Variants in FBXO38 observed in about 807,000 individuals in gnomAD.
FBXO38 encodes the protein F-box only protein 38.
Under a neutral mutation model 131.9 loss-of-function variants are expected in FBXO38, and 53 were observed. That is an observed-to-expected ratio of 0.40 (90% CI 0.32 to 0.51). The LOEUF (loss-of-function observed/expected upper bound fraction) is 0.51. FBXO38 is among the 20% of genes least tolerant of loss of function. The pLI, the probability that FBXO38 is intolerant of heterozygous loss-of-function variation, is 0.53. For missense variants in FBXO38, 1,076 were observed against 1,475.6 expected (o/e 0.73, Z 4.44); for synonymous variants, 452 against 505.6 (o/e 0.89, Z 1.42).
intron 7 of FBXO38, 130 bp from the exon 8 acceptor site, chr5:148,408,994 C>A: frequency 1.8e-6 from 1 of 561,996 alleles, no homozygotes. Context: ...AATTTCAATG[C>A]AAAAACAAAG....
intron 10 of FBXO38, 95 bp from the exon 11 acceptor site, chr5:148,415,833 A>G: frequency 7.7e-7 from 1 of 1,296,044 alleles, no homozygotes; most frequent in Non-Finnish European, 1.1e-6. Context: ...TTTTAAAAAA[A>G]AGGATTTGAA....
Position 148,439,681 on chromosome 5 carries a change from G to T in FBXO38, c.3059G>T (p.Ser1020Ile). The change falls in exon 19 of 22, where the codon AGT (serine) becomes ATT (isoleucine). Residue 1020 changes from serine (S) to isoleucine (I), a missense_variant. Physicochemically the swap from Ser to Ile is moderately radical, Grantham distance 142. Around this residue, in one of 8 missense-constraint regions of FBXO38, gnomAD observed 282 missense variants for 418.8 expected, o/e 0.67. Transcript: ENST00000340253. ...DTLTLEQKLF[S>I]GPYPYHICII... ...CTAACTTTGGAGCAGAAGCTATTTA[G>T]TGGTCCCTACCCCTATCACATCTGT... is the stretch of plus-strand genomic sequence containing the variant. The T allele has an allele frequency of 6.2e-7, 1 of 1,606,200 alleles. No individual in the cohort carries two copies. The highest frequency in any genetic ancestry group is 1.1e-5 in the South Asian group (1 of 90,964).
At chr5:148,385,601 CCAT>C (rs1289562418) in intron 1 of FBXO38, among the ~76,000 whole-genome samples, 5 of 152,138 alleles carry the variant, frequency 3.3e-5, no homozygotes, top group Non-Finnish European at 7.3e-5. Context: ...TTTTTCAGCA[CCAT>C]CATCCTGTTG....
Position 148,434,502 on chromosome 5 carries a change from A to AT in FBXO38, c.2857+772dup, listed in dbSNP as rs552489558. 3.9e-5 allele frequency: 6 copies of AT among 152,144 alleles called. No individual in the cohort carries two copies. In the South Asian group the frequency reaches 1.2e-3, roughly 32 times the overall value. The allele number at this position is 152,144 out of a possible 1,614,324, so 9.4% of individuals were successfully genotyped here. ...GCAAGTTATATAATTTTCTGTCTTCATTTTTTTCAATCTGTAAGCCGTGCA... is the reference window on the plus strand; with the variant it reads ...GCAAGTTATATAATTTTCTGTCTTCATTTTTTTTCAATCTGTAAGCCGTGCA... On this transcript the variant is annotated intron_variant, in intron 17 of 21. Transcript: ENST00000340253.
chr5:148,441,973 T>C lies in FBXO38; in HGVS notation c.3393T>C (p.Thr1131=), dbSNP rs148901341. ...CTTTTATTTCTAATTTCAAAGGCAC[T>C]ATCTATGCTCCTAGAAGGAAAGGAC... is the stretch of plus-strand genomic sequence containing the variant. ...RYDFEDDEES[T]IYAPRRKGQL... The change falls in exon 22 of 22, where the codon ACT becomes ACC. Residue 1131 remains threonine (T), a synonymous_variant. Coordinates refer to ENST00000340253, the MANE Select transcript of FBXO38 (RefSeq NM_205836.3). 58 of 1,608,164 alleles carry C rather than the reference T, an allele frequency of 3.6e-5. No homozygotes were observed. The African/African-American group carries it at 6.2e-4, about 17-fold the overall frequency.
chr5:148,421,214 C>T (rs114733321), intron 12 of FBXO38, among the ~76,000 whole-genome samples: 4,163 of 152,186 alleles, frequency 0.027, 192 homozygotes, highest in African/African-American at 0.093. Flanking sequence ...TCCGCCCACC[C>T]TGGCCTCCCA....
chr5:148,424,123 C>T lies in FBXO38; in HGVS notation c.1738+6C>T. On this transcript the variant is annotated splice_donor_region_variant and intron_variant, in intron 13 of 21. Transcript: ENST00000340253. Reference sequence around the variant, plus strand: ...TGTTGATGAGGAACAAGCAGGTAATCATGTGATCCATCCCACATTCATCAT... The same window carrying T: ...TGTTGATGAGGAACAAGCAGGTAATTATGTGATCCATCCCACATTCATCAT... 1 of 1,609,822 alleles carries T rather than the reference C, an allele frequency of 6.2e-7. No individual in the cohort carries two copies. Among genetic ancestry groups the T allele is most frequent in the Non-Finnish European group, 8.5e-7 (1 of 1,178,010 alleles).
intron 3 of FBXO38, among the ~76,000 whole-genome samples, chr5:148,401,501 A>G (rs989352232): frequency 3.3e-5 from 5 of 152,186 alleles, no homozygotes; most frequent in Non-Finnish European, 1.5e-5. Context: ...ATAATTTGAG[A>G]TAGGAATTAG....
At chr5:148,431,221 G>A (rs1444002913) in intron 15 of FBXO38, among the ~76,000 whole-genome samples, 1 of 152,198 alleles carries the variant, frequency 6.6e-6, no homozygotes, top group Non-Finnish European at 1.5e-5. Flanking sequence ...GTTGATACTA[G>A]CGGATGTTTT....
rs929543440 is a variant in FBXO38 at position 148,441,953 on chromosome 5, AT to A, written c.3389-13del. On this transcript the variant is annotated splice_polypyrimidine_tract_variant and intron_variant, in intron 21 of 21. Coordinates refer to ENST00000340253, the MANE Select transcript of FBXO38 (RefSeq NM_205836.3). ...GATTATCATATGTATCTCTCCTTTT[AT>A]TTCTAATTTCAAAGGCACTATCTAT... is the stretch of plus-strand genomic sequence containing the variant. The A allele has an allele frequency of 7.5e-6, 12 of 1,598,944 alleles. No homozygotes were observed. The African/African-American group carries it at 8.1e-5, about 11-fold the overall frequency.
chr5:148,387,509 C>G (rs1254383743), intron 1 of FBXO38, among the ~76,000 whole-genome samples: 1 of 152,070 alleles, frequency 6.6e-6, no homozygotes, highest in Non-Finnish European at 1.5e-5. Flanking sequence ...TCAGAGTCAT[C>G]CATGAGGACT....
intron 12 of FBXO38, chr5:148,423,770 C>T (rs531616253): frequency 6.6e-4 from 199 of 301,332 alleles, no homozygotes; most frequent in African/African-American, 4.0e-3. Context: ...GATGGGCTTT[C>T]TCCAACAAAT....
chr5:148,411,187 T>C (rs192545207), intron 9 of FBXO38, among the ~76,000 whole-genome samples: 2 of 152,250 alleles, frequency 1.3e-5, no homozygotes. Flanking sequence ...TTCATTTCCA[T>C]AATAAGCCCG....
intron 11 of FBXO38, among the ~76,000 whole-genome samples, 195 bp downstream of exon 11, chr5:148,416,265 G>A (rs1753047981): frequency 6.6e-6 from 1 of 151,944 alleles, no homozygotes; most frequent in African/African-American, 2.4e-5. Context: ...GAGAATTAAG[G>A]GTTCTCTGGG....
intron 1 of FBXO38, among the ~76,000 whole-genome samples, chr5:148,392,581 T>TTG (rs55667300): frequency 0.059 from 8,358 of 141,862 alleles, 284 homozygotes; most frequent in Admixed American, 0.1. Context: ...TTGCTTTTCT[T>TTG]TGTGTGTGTG....
chr5:148,398,957 A>T, intron 2 of FBXO38, 42 bp from the exon 3 acceptor site: 1 of 1,609,174 alleles, frequency 6.2e-7, no homozygotes, highest in East Asian at 2.2e-5. Flanking sequence ...GAGAAGTAAT[A>T]CTTATCCACT....
Position 148,439,742 on chromosome 5 carries a change from G to A in FBXO38, c.3120G>A (p.Arg1040=). The A allele has an allele frequency of 1.2e-6, 2 of 1,614,030 alleles. No homozygotes were observed. The highest frequency in any genetic ancestry group is 2.2e-5 in the South Asian group (2 of 91,072). Residue 1040 remains arginine, a synonymous_variant, in exon 19 of 22, where the codon CGG becomes CGA. Coordinates refer to ENST00000340253, the MANE Select transcript of FBXO38 (RefSeq NM_205836.3). ...IHEFSNPPNV[R]NKVRIRSWMD... Reference sequence around the variant, plus strand: ...AATTCAGTAACCCTCCCAATGTCCGGAATAAGGTGCGCATTCGCAGCTGGA... The same window carrying A: ...AATTCAGTAACCCTCCCAATGTCCGAAATAAGGTGCGCATTCGCAGCTGGA...
At position 148,399,279 on chromosome 5, in the gene FBXO38, G is replaced by A. The variant is rs1581233223; in HGVS notation, c.262+147G>A. ...ATTTTGTCTAAATTATTTATGTTGG[G>A]TTTTAGGTTGTAAAATGCGTTTTAC... is the stretch of plus-strand genomic sequence containing the variant. On this transcript the variant is annotated intron_variant, in intron 3 of 21. Coordinates refer to ENST00000340253, the MANE Select transcript of FBXO38 (RefSeq NM_205836.3). The A allele has an allele frequency of 9.5e-6, 8 of 837,780 alleles. 1 individual carries two copies. The highest frequency in any genetic ancestry group is 6.9e-5 in the African/African-American group (4 of 57,908). 51.9% of individuals were successfully genotyped at this position (837,780 alleles called of 1,614,324 possible). A position where few individuals can be genotyped will look rare whatever the true frequency, so the allele number is the denominator to read the frequency against.
intron 12 of FBXO38, among the ~76,000 whole-genome samples, chr5:148,419,736 G>A (rs980025182): frequency 1.3e-5 from 2 of 151,940 alleles, no homozygotes; most frequent in Admixed American, 6.6e-5. Context: ...AGGGAGACCC[G>A]GAGTCTTAAA....
Sources: allele counts gnomAD v4.1 joint callset (sites outside exome capture counted in the v4.1 genomes callset), GRCh38; gene constraint gnomAD v4.1.1; regional missense constraint gnomAD v4.1.1; transcripts MANE v1.5; gene names NCBI Gene and HGNC (gene_info 2026-07-23, HGNC 2026-07-21).